RASGRF2: variants seen among roughly 807,000 people sequenced by gnomAD.
The protein encoded by RASGRF2 is ras-specific guanine nucleotide-releasing factor 2.
In RASGRF2, 76 loss-of-function variants were observed where a neutral mutation model predicts 151.0. The observed-to-expected ratio is 0.50, with a 90% confidence interval of 0.42 to 0.61. RASGRF2 has a LOEUF of 0.61. Ranked by LOEUF, RASGRF2 falls within the 20% of genes least tolerant of loss-of-function variation. RASGRF2 has a pLI of 0.00. For missense variants in RASGRF2, 1,148 were observed against 1,564.6 expected (o/e 0.73, Z 4.49); for synonymous variants, 504 against 566.5 (o/e 0.89, Z 1.57).
chr5:81,113,783 C>T lies in RASGRF2; in HGVS notation c.2333C>T (p.Pro778Leu). 8.1e-6 allele frequency: 13 copies of T among 1,614,164 alleles called. No homozygotes were observed. Among genetic ancestry groups the T allele is most frequent in the Non-Finnish European group, 1.1e-5 (13 of 1,180,032 alleles). ...ACCCAGAGTCCCGCTGCGTCTCCAC[C>T]ACCACACACTGGTCAGATACCACTG... The part of the protein sequence containing the change: ...TTTQSPAASP[P>L]PHTGQIPLDL... Residue 778 changes from proline (P) to leucine (L), a missense_variant, in exon 15 of 27, where the codon CCA (proline) becomes CTA (leucine). Around this residue, in one of 5 missense-constraint regions of RASGRF2, gnomAD observed 646 missense variants for 807.4 expected, o/e 0.80. Coordinates refer to ENST00000265080, the MANE Select transcript of RASGRF2 (RefSeq NM_006909.3).
At chr5:81,188,423 T>C (rs1755079688) in intron 18 of RASGRF2, among the ~76,000 whole-genome samples, 1 of 152,204 alleles carries the variant, frequency 6.6e-6, no homozygotes, top group African/African-American at 2.4e-5. Flanking sequence ...ACTAGGACTC[T>C]GAGCAAGGAG....
intron 1 of RASGRF2, among the ~76,000 whole-genome samples, chr5:80,969,615 AT>A (rs557366319): frequency 1.8e-4 from 25 of 142,430 alleles, no homozygotes; most frequent in African/African-American, 5.2e-4. Flanking sequence ...CGCCCGGCTA[AT>A]TTTTTTTTGT....
At chr5:80,978,584 C>T (rs940946098) in intron 1 of RASGRF2, among the ~76,000 whole-genome samples, 3 of 152,048 alleles carry the variant, frequency 2.0e-5, no homozygotes, top group Admixed American at 6.6e-5. Context: ...GTCAGGTGTT[C>T]GTGACCAGCC....
In RASGRF2 at chr5:81,143,304, C is replaced by T. The variant is rs530723730; in HGVS notation, c.2686+16141C>T. Among the ~76,000 whole-genome samples, 258 of 151,946 alleles carry T rather than the reference C, an allele frequency of 1.7e-3. 1 individual carries two copies. The highest frequency in any genetic ancestry group is 6.0e-3 in the African/African-American group (249 of 41,446). On this transcript the variant is annotated intron_variant, in intron 17 of 26. Transcript: ENST00000265080. Reference sequence around the variant, plus strand: ...CTGGGATTACAGGCGCATGCTACCACGCCTGGCTAATTTTTATATTTTTAG... The same window carrying T: ...CTGGGATTACAGGCGCATGCTACCATGCCTGGCTAATTTTTATATTTTTAG...
At chr5:81,047,277 G>C (rs1043389944) in intron 2 of RASGRF2, among the ~76,000 whole-genome samples, 1 of 152,220 alleles carries the variant, frequency 6.6e-6, no homozygotes, top group Non-Finnish European at 1.5e-5. Flanking sequence ...GAGAGAATGA[G>C]TATCCAGGGG....
chr5:81,205,812 G>A (rs938078665), intron 19 of RASGRF2, among the ~76,000 whole-genome samples: 36 of 152,154 alleles, frequency 2.4e-4, no homozygotes, highest in African/African-American at 8.4e-4. Flanking sequence ...GTGCAGTGGC[G>A]CTATCTCGGC....
chr5:81,136,721 A>G (rs112937735), intron 17 of RASGRF2, among the ~76,000 whole-genome samples: 2,566 of 152,202 alleles, frequency 0.017, 90 homozygotes, highest in African/African-American at 0.057. Flanking sequence ...TCAGTTCTTC[A>G]GTACTCCAAT....
chr5:80,999,875 C>A (rs1749023445), intron 1 of RASGRF2, among the ~76,000 whole-genome samples: 1 of 152,220 alleles, frequency 6.6e-6, no homozygotes. Flanking sequence ...TCATAACAAA[C>A]TAACCCACCT....
At chr5:80,994,930 G>C (rs1306500824) in intron 1 of RASGRF2, among the ~76,000 whole-genome samples, 1 of 152,074 alleles carries the variant, frequency 6.6e-6, no homozygotes, top group Non-Finnish European at 1.5e-5. Context: ...TTACCACCAC[G>C]ATTAACATAT....
chr5:81,218,168 C>A (rs1403520674), intron 25 of RASGRF2, among the ~76,000 whole-genome samples: 3 of 152,098 alleles, frequency 2.0e-5, no homozygotes, highest in Non-Finnish European at 4.4e-5. Flanking sequence ...ACAGGCCCGG[C>A]CCAATGTTTG....
At chr5:81,218,810 C>A (rs187035563) in intron 25 of RASGRF2, among the ~76,000 whole-genome samples, 3 of 152,278 alleles carry the variant, frequency 2.0e-5, no homozygotes, top group Admixed American at 2.0e-4. Context: ...TTTCACAATA[C>A]TGATTCTACC....
rs1406179658 is a variant in RASGRF2, at chr5:81,228,346, C to T, written c.*2576C>T. The T allele has an allele frequency of 6.6e-6, 1 of 152,208 alleles. No homozygotes were observed. The highest frequency in any genetic ancestry group is 1.5e-5 in the Non-Finnish European group (1 of 68,044). The allele number at this position is 152,208 out of a possible 1,614,324, so 9.4% of individuals were successfully genotyped here. A position where few individuals can be genotyped will look rare whatever the true frequency, so the allele number is the denominator to read the frequency against. On this transcript the variant is annotated 3_prime_UTR_variant, in exon 27 of 27. Coordinates refer to ENST00000265080, the MANE Select transcript of RASGRF2 (RefSeq NM_006909.3). ...TTGATGACCTGCACTATTCGTGTGC[C>T]AGCTGGGAGAGGAATGCACATTTTA...
intron 17 of RASGRF2, among the ~76,000 whole-genome samples, chr5:81,157,938 C>T (rs371468690): frequency 7.9e-5 from 12 of 152,236 alleles, no homozygotes; most frequent in African/African-American, 2.6e-4. Flanking sequence ...GGCTCATTTA[C>T]AGAAATGGAC....
intron 2 of RASGRF2, among the ~76,000 whole-genome samples, chr5:81,047,219 G>T (rs1255577364): frequency 6.6e-6 from 1 of 152,184 alleles, no homozygotes; most frequent in Admixed American, 6.5e-5. Flanking sequence ...CGCTGGGAAA[G>T]GAAGGAAACT....
intron 1 of RASGRF2, among the ~76,000 whole-genome samples, chr5:80,963,156 TAC>T (rs1275410970): frequency 2.6e-5 from 4 of 152,228 alleles, no homozygotes; most frequent in African/African-American, 9.6e-5. Flanking sequence ...ACCTTAAATC[TAC>T]AGTTTATCCA....
chr5:81,227,014 C>T lies in RASGRF2; in HGVS notation c.*1244C>T, dbSNP rs557292549. The T allele has an allele frequency of 3.9e-5, 6 of 152,338 alleles. No homozygotes were observed. The East Asian group carries it at 1.2e-3, about 29-fold the overall frequency. The allele number at this position is 152,338 out of a possible 1,614,324, so 9.4% of individuals were successfully genotyped here. On this transcript the variant is annotated 3_prime_UTR_variant, in exon 27 of 27. Coordinates refer to ENST00000265080, the MANE Select transcript of RASGRF2 (RefSeq NM_006909.3). ...TCAGTTGTTGAAGAAATAGGGCTAT[C>T]TCATTGTTTACCTCCCTCTTCTCTT...
At chr5:81,122,582 T>C (rs1753338820) in intron 15 of RASGRF2, among the ~76,000 whole-genome samples, 2 of 152,220 alleles carry the variant, frequency 1.3e-5, no homozygotes, top group Admixed American at 6.5e-5. Context: ...TTTGAAAGTT[T>C]GTTGAGTGAA....
intron 15 of RASGRF2, among the ~76,000 whole-genome samples, chr5:81,118,469 AC>A (rs1389328110): frequency 6.6e-6 from 1 of 152,138 alleles, no homozygotes; most frequent in Non-Finnish European, 1.5e-5. Flanking sequence ...CTCTCTGTCA[AC>A]CTGGCCCTCA....
intron 1 of RASGRF2, among the ~76,000 whole-genome samples, chr5:80,974,407 A>G (rs1055516189): frequency 2.0e-5 from 3 of 152,236 alleles, no homozygotes; most frequent in Admixed American, 6.5e-5. Context: ...GAAGCTGAGT[A>G]GCTACAGCGC....
Sources: allele counts gnomAD v4.1 joint callset (sites outside exome capture counted in the v4.1 genomes callset), GRCh38; gene constraint gnomAD v4.1.1; regional missense constraint gnomAD v4.1.1; transcripts MANE v1.5; gene names NCBI Gene and HGNC (gene_info 2026-07-23, HGNC 2026-07-21).